The following DHRSX variants were observed in gnomAD, a reference collection of about 807,000 sequenced individuals.
DHRSX encodes the protein polyprenol dehydrogenase.
Under a neutral mutation model 34.0 loss-of-function variants are expected in DHRSX, and 31 were observed. That is an observed-to-expected ratio of 0.91 (90% CI 0.69 to 1.23). The LOEUF is 1.23. Among genes scored for constraint, DHRSX ranks in the 50% most tolerant of loss-of-function variants. The pLI is 0.00. For synonymous variants in DHRSX, 201 were observed against 183.8 expected (o/e 1.09, Z -0.76); for missense variants, 414 against 428.1 (o/e 0.97, Z 0.29).
intron 3 of DHRSX, among the ~76,000 whole-genome samples, chrX:2,354,259 A>G (rs947518350): frequency 6.6e-6 from 1 of 152,304 alleles, no homozygotes; most frequent in Admixed American, 6.5e-5. Context: ...ATGTCCCATC[A>G]CTGGGCAGCT....
At chrX:2,250,555 C>A (rs1271273073) in intron 5 of DHRSX, among the ~76,000 whole-genome samples, 3 of 152,044 alleles carry the variant, frequency 2.0e-5, no homozygotes, top group African/African-American at 7.2e-5. Context: ...CATGTCATGG[C>A]ATCTGTAAAC....
At chrX:2,283,455 T>A (rs190013344) in intron 4 of DHRSX, among the ~76,000 whole-genome samples, 1 of 152,080 alleles carries the variant, frequency 6.6e-6, no homozygotes, top group Non-Finnish European at 1.5e-5. Context: ...CGCTGACGAA[T>A]GCATGCGCCG....
At chrX:2,348,937 G>A (rs539414594) in intron 3 of DHRSX, among the ~76,000 whole-genome samples, 4 of 151,912 alleles carry the variant, frequency 2.6e-5, no homozygotes, top group Non-Finnish European at 4.4e-5. Context: ...CAGGTGCTCC[G>A]CTTGCCTCAG....
chrX:2,248,381 G>C (rs1022855225), intron 5 of DHRSX, among the ~76,000 whole-genome samples: 13 of 150,272 alleles, frequency 8.7e-5, no homozygotes, highest in Non-Finnish European at 1.6e-4. Context: ...TGCAGTGAGT[G>C]GAGATTGCGC....
intron 1 of DHRSX, among the ~76,000 whole-genome samples, chrX:2,491,069 T>TTG (rs1569347171): frequency 8.5e-6 from 1 of 117,858 alleles, no homozygotes; most frequent in Non-Finnish European, 1.9e-5. Context: ...GCCTTTAGTT[T>TTG]TTTTTTTTTT....
chrX:2,292,451 T>C (rs1356449118), intron 3 of DHRSX, among the ~76,000 whole-genome samples: 3 of 152,222 alleles, frequency 2.0e-5, no homozygotes, highest in Non-Finnish European at 2.9e-5. Flanking sequence ...CCGCAGCAGC[T>C]GTGGGATAGT....
chrX:2,424,685 T>C (rs1327286501), intron 2 of DHRSX, among the ~76,000 whole-genome samples: 1 of 152,204 alleles, frequency 6.6e-6, no homozygotes, highest in African/African-American at 2.4e-5. Flanking sequence ...TTAAGCAGAA[T>C]ATATATCTAC....
chrX:2,333,311 ATGT>A (rs1465900933), intron 3 of DHRSX, among the ~76,000 whole-genome samples: 4 of 152,154 alleles, frequency 2.6e-5, no homozygotes, highest in Non-Finnish European at 1.5e-5. Context: ...TTAAACTTGT[ATGT>A]TAGATTCGGG....
chrX:2,472,094 G>A (rs1187386754), intron 1 of DHRSX, among the ~76,000 whole-genome samples: 2 of 146,708 alleles, frequency 1.4e-5, no homozygotes, highest in Non-Finnish European at 3.0e-5. Flanking sequence ...GCGGTGAGCC[G>A]AGATCACACC....
At chrX:2,370,258 G>A (rs1395363304) in intron 3 of DHRSX, among the ~76,000 whole-genome samples, 8 of 151,770 alleles carry the variant, frequency 5.3e-5, no homozygotes, top group African/African-American at 1.9e-4. Context: ...TGCAACCTCC[G>A]CCTCCTGGGT....
chrX:2,245,544 A>T (rs910870236), intron 5 of DHRSX, among the ~76,000 whole-genome samples: 22 of 150,202 alleles, frequency 1.5e-4, no homozygotes, highest in African/African-American at 4.9e-4. Context: ...TCCTGACCTC[A>T]GGTGATCCGC....
chrX:2,343,337 T>G (rs1476345364), intron 3 of DHRSX, among the ~76,000 whole-genome samples: 3 of 152,224 alleles, frequency 2.0e-5, no homozygotes, highest in African/African-American at 7.2e-5. Flanking sequence ...TCTTTCCTCT[T>G]TAATTCTTAC....
chrX:2,366,052 G>T (rs1029557070), intron 3 of DHRSX, among the ~76,000 whole-genome samples: 4 of 152,030 alleles, frequency 2.6e-5, no homozygotes, highest in Non-Finnish European at 4.4e-5. Flanking sequence ...TTCACCACAC[G>T]GCCAATTTAT....
intron 4 of DHRSX, among the ~76,000 whole-genome samples, chrX:2,268,973 T>G (rs1289529691): frequency 6.6e-6 from 1 of 152,248 alleles, no homozygotes; most frequent in African/African-American, 2.4e-5. Flanking sequence ...ACCTATCCAT[T>G]TGCATATGGA....
chrX:2,286,136 A>G (rs2041802480), intron 4 of DHRSX, among the ~76,000 whole-genome samples: 1 of 151,938 alleles, frequency 6.6e-6, no homozygotes. Flanking sequence ...ACGAAGATGA[A>G]TTCTGATGCA....
chrX:2,408,369 C>T (rs1259468484), intron 3 of DHRSX, among the ~76,000 whole-genome samples: 2 of 152,044 alleles, frequency 1.3e-5, no homozygotes, highest in Admixed American at 1.3e-4. Flanking sequence ...CCACTGCGCC[C>T]GGCCTGATTT....
At chrX:2,289,310 G>C (rs1361976337) in intron 4 of DHRSX, among the ~76,000 whole-genome samples, 1 of 151,970 alleles carries the variant, frequency 6.6e-6, no homozygotes, top group Non-Finnish European at 1.5e-5. Context: ...TAGAGACAGG[G>C]TTTCACCATA....
At chrX:2,345,114 C>A (rs1003455235) in intron 3 of DHRSX, among the ~76,000 whole-genome samples, 7 of 151,682 alleles carry the variant, frequency 4.6e-5, no homozygotes, top group Non-Finnish European at 1.0e-4. Flanking sequence ...GCTTCCCCTG[C>A]CTCTTGAAAT....
chrX:2,348,685 T>A (rs1251567542), intron 3 of DHRSX, among the ~76,000 whole-genome samples: 1 of 138,982 alleles, frequency 7.2e-6, no homozygotes, highest in Non-Finnish European at 1.6e-5. Flanking sequence ...GTGGGTCTCT[T>A]ATTTTTATTT....
Sources: gnomAD v4.1 joint callset for allele counts (sites outside exome capture counted in the v4.1 genomes callset) on GRCh38, gnomAD v4.1.1 for gene constraint, MANE v1.5 for transcripts, NCBI Gene and HGNC (gene_info 2026-07-23, HGNC 2026-07-21) for gene names.